The following PARVB variants were observed in gnomAD, a reference collection of about 807,000 sequenced individuals.
PARVB encodes the protein parvin beta.
Under a neutral mutation model 47.0 loss-of-function variants are expected in PARVB, and 46 were observed. The ratio of observed to expected loss-of-function variants is 0.98; its 90% CI spans 0.77 to 1.25. The LOEUF (loss-of-function observed/expected upper bound fraction) is 1.25, where lower values mean the gene tolerates loss of function less well. PARVB is among the 50% of genes most tolerant of loss of function. The pLI is 0.00. For synonymous variants in PARVB, 196 were observed against 196.3 expected (o/e 1.00, Z 0.01); for missense variants, 473 against 471.6 (o/e 1.00, Z -0.03).
At chr22:44,065,620 A>G (rs1434132378) in intron 1 of PARVB, among the ~76,000 whole-genome samples, 1 of 151,846 alleles carries the variant, frequency 6.6e-6, no homozygotes. Context: ...TTTATCCCTC[A>G]CCTACCTCCC....
At position 44,172,874 on chromosome 22, in the gene PARVB, G is replaced by A. The variant is rs575640587; in HGVS notation, c.*4196G>A. ...CAAACACTTCTTCCGCCAGGGATGC[G>A]GTTAGGACAATGCCACGTGGCGTCA... On this transcript the variant is annotated 3_prime_UTR_variant, in exon 13 of 13. Coordinates refer to ENST00000338758, the MANE Select transcript of PARVB (RefSeq NM_013327.5). 9 of 924,122 alleles carry A rather than the reference G, an allele frequency of 9.7e-6. No individual in the cohort carries two copies. Among genetic ancestry groups the A allele is most frequent in the South Asian group, 4.6e-5 (3 of 65,476 alleles). 57.2% of individuals were successfully genotyped at this position (924,122 alleles called of 1,614,324 possible).
chr22:44,034,093 A>T (rs1053921566), intron 1 of PARVB, among the ~76,000 whole-genome samples: 2 of 151,254 alleles, frequency 1.3e-5, no homozygotes, highest in Non-Finnish European at 2.9e-5. Flanking sequence ...ATATATGAAC[A>T]TACAAATAAA....
At chr22:44,134,914 A>G (rs1387556050) in intron 6 of PARVB, among the ~76,000 whole-genome samples, 2 of 152,242 alleles carry the variant, frequency 1.3e-5, no homozygotes, top group East Asian at 1.9e-4. Context: ...ACCTGGGCCC[A>G]GCACCTGGTG....
intron 4 of PARVB, among the ~76,000 whole-genome samples, chr22:44,124,192 A>G (rs1005698415): frequency 3.3e-5 from 5 of 152,230 alleles, no homozygotes; most frequent in African/African-American, 1.2e-4. Flanking sequence ...TTTGGTCCTC[A>G]GTGCCATCCA....
intron 4 of PARVB, among the ~76,000 whole-genome samples, chr22:44,124,263 T>C (rs981435291): frequency 5.9e-5 from 9 of 152,186 alleles, no homozygotes; most frequent in Non-Finnish European, 1.2e-4. Context: ...AGAGCCCTGA[T>C]ATGTTTTCAG....
chr22:44,124,656 G>A (rs558337723), intron 4 of PARVB, among the ~76,000 whole-genome samples: 1 of 150,232 alleles, frequency 6.7e-6, no homozygotes, highest in African/African-American at 2.5e-5. Flanking sequence ...CCATCCTGGT[G>A]GAAGGGTCTC....
At chr22:44,165,393 C>T (rs1338979629) in intron 12 of PARVB, among the ~76,000 whole-genome samples, 1 of 152,210 alleles carries the variant, frequency 6.6e-6, no homozygotes, top group African/African-American at 2.4e-5. Context: ...CTCGACAGCA[C>T]GGATCAAAGC....
chr22:44,126,210 T>C (rs1424885998), intron 4 of PARVB, among the ~76,000 whole-genome samples: 1 of 152,160 alleles, frequency 6.6e-6, no homozygotes, highest in Non-Finnish European at 1.5e-5. Context: ...CAAATTTTAT[T>C]TGGCTGAATG....
chr22:44,083,124 TG>T (rs1389943271), intron 1 of PARVB, among the ~76,000 whole-genome samples: 1 of 152,150 alleles, frequency 6.6e-6, no homozygotes, highest in Non-Finnish European at 1.5e-5. Context: ...TTGGGTTCCT[TG>T]TGAAACACGA....
chr22:44,016,413 C>T (rs775260007), intron 2 of PARVB, among the ~76,000 whole-genome samples: 8 of 152,172 alleles, frequency 5.3e-5, no homozygotes, highest in Non-Finnish European at 7.3e-5. Flanking sequence ...TCTCTTTCAC[C>T]TATTAACTTC....
At chr22:44,069,342 G>A (rs1291141073) in intron 1 of PARVB, among the ~76,000 whole-genome samples, 1 of 152,180 alleles carries the variant, frequency 6.6e-6, no homozygotes, top group East Asian at 1.9e-4. Context: ...GGGGGTCCAG[G>A]TTGTCTCACT....
chr22:44,083,836 C>T (rs182146937), intron 1 of PARVB, among the ~76,000 whole-genome samples: 20 of 152,238 alleles, frequency 1.3e-4, no homozygotes, highest in East Asian at 5.8e-4. Context: ...GAGTGACCAA[C>T]GCCAGCTTTG....
intron 1 of PARVB, among the ~76,000 whole-genome samples, chr22:44,050,904 G>A (rs573367975): frequency 6.6e-6 from 1 of 152,374 alleles, no homozygotes; most frequent in South Asian, 2.1e-4. Context: ...TGAAGGAGGA[G>A]AAGAGTGGGT....
chr22:44,155,777 T>C lies in PARVB; in HGVS notation c.844-2205T>C, dbSNP rs1022488193. Among the ~76,000 whole-genome samples the C allele has an allele frequency of 2.0e-5, 3 of 152,144 alleles. No homozygotes were observed. The highest frequency in any genetic ancestry group is 4.1e-4 in the South Asian group (2 of 4,824). On this transcript the variant is annotated intron_variant, in intron 10 of 12. Transcript: ENST00000338758. This position sits in a 1 kb window ranked among gnomAD's most constrained non-coding sequence, Gnocchi z 4.8. ...CAAACCCGTCTGATCTCCTTAATGA[T>C]AGGAGTGGCTGGCTGCTTTGTGGTG...
intron 1 of PARVB, among the ~76,000 whole-genome samples, chr22:44,028,756 C>T (rs1006758123): frequency 2.0e-5 from 3 of 152,156 alleles, no homozygotes; most frequent in Admixed American, 2.0e-4. Context: ...TCACCGGTGG[C>T]GAACGAGAGT....
chr22:44,055,926 G>C (rs1037268038), intron 1 of PARVB, among the ~76,000 whole-genome samples: 1 of 152,124 alleles, frequency 6.6e-6, no homozygotes, highest in African/African-American at 2.4e-5. Flanking sequence ...CCAGTCTACC[G>C]ATTCGAATGC....
chr22:44,116,570 G>A (rs1456126443), intron 3 of PARVB, among the ~76,000 whole-genome samples: 1 of 152,226 alleles, frequency 6.6e-6, no homozygotes, highest in African/African-American at 2.4e-5. Context: ...TCCTTACAGA[G>A]CTCTGGCGCC....
chr22:44,052,334 T>C (rs1252283045), intron 1 of PARVB, among the ~76,000 whole-genome samples: 1 of 152,186 alleles, frequency 6.6e-6, no homozygotes, highest in Non-Finnish European at 1.5e-5. Context: ...CCTGCATAAA[T>C]TGTGGTTCGA....
chr22:44,019,604 G>C (rs764691333), upstream of PARVB, among the ~76,000 whole-genome samples: 47 of 152,216 alleles, frequency 3.1e-4, no homozygotes, highest in Non-Finnish European at 6.2e-4. Context: ...CATCTGCACG[G>C]GTGAGGGCCG....
Sources: gnomAD v4.1 joint callset for allele counts (sites outside exome capture counted in the v4.1 genomes callset) on GRCh38, gnomAD v4.1.1 for gene constraint, Gnocchi (gnomAD v3.1) non-coding constraint, MANE v1.5 for transcripts, NCBI Gene and HGNC (gene_info 2026-07-23, HGNC 2026-07-21) for gene names.